The following ASXL3 variants were observed in gnomAD, a reference collection of about 807,000 sequenced individuals.
The protein encoded by ASXL3 is ASXL transcriptional regulator 3.
ASXL3 carries 34 observed loss-of-function variants against 170.6 expected under a neutral mutation model. The ratio of observed to expected loss-of-function variants is 0.20; its 90% CI spans 0.15 to 0.27. ASXL3 has a LOEUF of 0.27. Among genes scored for constraint, ASXL3 ranks in the 10% least tolerant of loss-of-function variants. The pLI is 1.00. For synonymous variants in ASXL3, 1,002 were observed against 989.1 expected (o/e 1.01, Z -0.24); for missense variants, 2,592 against 2,695.3 (o/e 0.96, Z 0.85).
At chr18:33,626,268 T>C (rs1319308695) in intron 2 of ASXL3, among the ~76,000 whole-genome samples, 2 of 152,160 alleles carry the variant, frequency 1.3e-5, no homozygotes, top group East Asian at 1.9e-4. Context: ...TGTAGCTCCA[T>C]TGATCATTTA....
intron 7 of ASXL3, among the ~76,000 whole-genome samples, chr18:33,680,962 A>G (rs2066504581): frequency 6.6e-6 from 1 of 151,786 alleles, no homozygotes; most frequent in African/African-American, 2.4e-5. Context: ...GCTTAATTTT[A>G]ATTTTTTTCC....
Position 33,745,863 on chromosome 18 carries a change from T to C in ASXL3, c.6015T>C (p.Thr2005=). ...AAGAAGGTGATGAGGTGGGAGGCAC[T>C]GCACACACAATGCCAAACAAAGCAC... ...PMKEGDEVGG[T]AHTMPNKALV... The change falls in exon 12 of 12, where the codon ACT becomes ACC. Residue 2005 remains threonine, a synonymous_variant. Coordinates refer to ENST00000269197, the MANE Select transcript of ASXL3 (RefSeq NM_030632.3). 1 of 1,613,810 alleles carries C rather than the reference T, an allele frequency of 6.2e-7. No individual in the cohort carries two copies. The highest frequency in any genetic ancestry group is 8.5e-7 in the Non-Finnish European group (1 of 1,179,880).
chr18:33,631,607 A>T (rs1207069766), intron 2 of ASXL3, among the ~76,000 whole-genome samples: 1 of 152,274 alleles, frequency 6.6e-6, no homozygotes, highest in Non-Finnish European at 1.5e-5. Flanking sequence ...TATTCATAGC[A>T]GTGCTATTTT....
At chr18:33,657,479 A>C (rs2066102225) in intron 4 of ASXL3, among the ~76,000 whole-genome samples, 1 of 152,232 alleles carries the variant, frequency 6.6e-6, no homozygotes, top group Admixed American at 6.6e-5. Context: ...GTGGATTAGT[A>C]ATTACATTAG....
At chr18:33,592,085 A>G (rs1474239937) in intron 1 of ASXL3, among the ~76,000 whole-genome samples, 3 of 152,070 alleles carry the variant, frequency 2.0e-5, no homozygotes, top group African/African-American at 7.2e-5. Flanking sequence ...TTTGTATGAA[A>G]TTTTATCTTT....
At chr18:33,585,990 CA>C (rs61418101) in intron 1 of ASXL3, among the ~76,000 whole-genome samples, 1 of 146,470 alleles carries the variant, frequency 6.8e-6, no homozygotes, top group African/African-American at 2.8e-5. Context: ...TTAAAAAAAT[CA>C]AAGTCAATCA....
At chr18:33,740,540 G>T in intron 11 of ASXL3, 97 bp downstream of exon 11, 2 of 1,187,254 alleles carry the variant, frequency 1.7e-6, no homozygotes, top group Non-Finnish European at 2.3e-6. Context: ...TTCCTTCTAG[G>T]TTTTATGCAG....
intron 8 of ASXL3, among the ~76,000 whole-genome samples, chr18:33,686,124 G>A (rs1358047515): frequency 1.3e-5 from 2 of 152,204 alleles, no homozygotes; most frequent in African/African-American, 4.8e-5. Context: ...GTCACTGTGA[G>A]AAATATAATT....
intron 8 of ASXL3, among the ~76,000 whole-genome samples, chr18:33,712,077 A>G (rs1465629431): frequency 6.6e-6 from 1 of 152,166 alleles, no homozygotes; most frequent in Non-Finnish European, 1.5e-5. Flanking sequence ...AAACTAGATA[A>G]TGTATTGGCA....
chr18:33,719,347 A>T (rs1599539165), intron 8 of ASXL3, among the ~76,000 whole-genome samples: 1 of 151,864 alleles, frequency 6.6e-6, no homozygotes, highest in Admixed American at 6.6e-5. Context: ...ATGCACCTAG[A>T]ATTTTCCCTT....
At chr18:33,647,674 CA>C (rs1263842687) in intron 4 of ASXL3, among the ~76,000 whole-genome samples, 1 of 152,150 alleles carries the variant, frequency 6.6e-6, no homozygotes, top group Non-Finnish European at 1.5e-5. Context: ...GCTCTCTCAA[CA>C]TATATACTGA....
chr18:33,686,416 G>A (rs980344956), intron 8 of ASXL3, among the ~76,000 whole-genome samples: 1 of 152,190 alleles, frequency 6.6e-6, no homozygotes, highest in African/African-American at 2.4e-5. Context: ...TGTCATAATA[G>A]AAGTATGAAG....
intron 6 of ASXL3, among the ~76,000 whole-genome samples, chr18:33,671,412 G>A (rs1433241662): frequency 2.0e-5 from 3 of 151,858 alleles, no homozygotes; most frequent in Admixed American, 6.6e-5. Context: ...TCATCTTTCC[G>A]TGTCTGTCTT....
At chr18:33,696,787 T>A (rs953267918) in intron 8 of ASXL3, among the ~76,000 whole-genome samples, 2 of 152,150 alleles carry the variant, frequency 1.3e-5, no homozygotes, top group African/African-American at 4.8e-5. Context: ...GGAGTTGTCC[T>A]GTGTTCTATC....
intron 8 of ASXL3, among the ~76,000 whole-genome samples, chr18:33,700,430 C>T (rs1242809651): frequency 6.6e-6 from 1 of 151,462 alleles, no homozygotes; most frequent in Non-Finnish European, 1.5e-5. Context: ...TAGGGCATTC[C>T]TGCCTGATCA....
rs1417112899 is a variant in ASXL3, at chr18:33,750,520, T to C, written c.*3925T>C. On this transcript the variant is annotated 3_prime_UTR_variant, in exon 12 of 12. Transcript: ENST00000269197. ...CCTGCTTCATGGAAACCTGATATGA[T>C]ACATATTTTCAGTAGTTTTTTTTTT... The C allele has an allele frequency of 1.3e-5, 2 of 151,856 alleles. No homozygotes were observed. The highest frequency in any genetic ancestry group is 2.9e-5 in the Non-Finnish European group (2 of 67,976). 9.4% of individuals were successfully genotyped at this position (151,856 alleles called of 1,614,324 possible). A position where few individuals can be genotyped will look rare whatever the true frequency, so the allele number is the denominator to read the frequency against.
Position 33,744,329 on chromosome 18 carries a change from C to T in ASXL3, c.4481C>T (p.Ser1494Leu), listed in dbSNP as rs766380800. Residue 1494 changes from serine (S) to leucine (L), a missense_variant, in exon 12 of 12, where the codon TCA becomes TTA. By Grantham distance (145) the Ser-to-Leu change is moderately radical. This residue lies in a region of ASXL3 where 2,246 missense variants were observed against 2,219.6 expected (regional missense o/e 1.01). Transcript: ENST00000269197. ...TCTCTGACTGTCTCCGTTGAAAGCT[C>T]AGAAGCCAGCTTGGACCTGCAGGGC... The part of the protein sequence containing the change: ...SLSLTVSVES[S>L]EASLDLQGRP... 2 of 1,614,010 alleles carry T rather than the reference C, an allele frequency of 1.2e-6. No individual in the cohort carries two copies. The highest frequency in any genetic ancestry group is 1.7e-6 in the Non-Finnish European group (2 of 1,179,894).
chr18:33,606,636 T>C (rs75131782), intron 1 of ASXL3, among the ~76,000 whole-genome samples: 4,395 of 152,086 alleles, frequency 0.029, 218 homozygotes, highest in African/African-American at 0.1. Context: ...ATTAGAACTC[T>C]AGTGTCTCTA....
chr18:33,733,983 T>C (rs1249149720), intron 9 of ASXL3, among the ~76,000 whole-genome samples: 1 of 152,028 alleles, frequency 6.6e-6, no homozygotes, highest in Non-Finnish European at 1.5e-5. Context: ...CTGATTTCCT[T>C]AAGGACAGTG....
Sources: allele counts gnomAD v4.1 joint callset (sites outside exome capture counted in the v4.1 genomes callset), GRCh38; gene constraint gnomAD v4.1.1; regional missense constraint gnomAD v4.1.1; transcripts MANE v1.5; gene names NCBI Gene and HGNC (gene_info 2026-07-23, HGNC 2026-07-21).